ATP5PB: variants seen among roughly 807,000 people sequenced by gnomAD.
ATP5PB encodes ATP synthase peripheral stalk subunit b, mitochondrial.
Under a neutral mutation model 34.5 loss-of-function variants are expected in ATP5PB, and 21 were observed. The ratio of observed to expected loss-of-function variants is 0.61; its 90% CI spans 0.43 to 0.88. ATP5PB has a LOEUF of 0.88. Among genes scored for constraint, ATP5PB ranks in the 40% least tolerant of loss-of-function variants. ATP5PB has a pLI of 0.00. For synonymous variants in ATP5PB, 108 were observed against 114.1 expected, an observed-to-expected ratio of 0.95 and a Z score of 0.34; for missense variants, 293 against 317.4, an observed-to-expected ratio of 0.92 and a Z score of 0.58.
intron 5 of ATP5PB, among the ~76,000 whole-genome samples, chr1:111,457,340 C>CAA (rs1653504755): frequency 6.6e-6 from 1 of 151,708 alleles, no homozygotes; most frequent in African/African-American, 2.4e-5. Context: ...CACACACACA[C>CAA]AAACAACAAA....
chr1:111,450,620 A>G (rs1653296669), intron 2 of ATP5PB, among the ~76,000 whole-genome samples: 1 of 152,224 alleles, frequency 6.6e-6, no homozygotes, highest in Non-Finnish European at 1.5e-5. Flanking sequence ...TAGTAAATTT[A>G]GCAGCTGTTA....
In ATP5PB at chr1:111,461,041, A is replaced by G. The variant is rs1336274696; in HGVS notation, c.*47A>G. ...CAGCTAGAAACAGTTGACTGACTAA[A>G]TGGAAACTAGTCTATTTGACAAAGT... is the stretch of plus-strand genomic sequence containing the variant. On this transcript the variant is annotated 3_prime_UTR_variant, in exon 7 of 7. Coordinates refer to ENST00000369722, the MANE Select transcript of ATP5PB (RefSeq NM_001688.5). 4 of 1,512,190 alleles carry G rather than the reference A, an allele frequency of 2.6e-6. No homozygotes were observed. Among genetic ancestry groups the G allele is most frequent in the Non-Finnish European group, 3.7e-6 (4 of 1,092,232 alleles). 93.7% of individuals were successfully genotyped at this position (1,512,190 alleles called of 1,614,324 possible). A position where few individuals can be genotyped will look rare whatever the true frequency, so the allele number is the denominator to read the frequency against.
At chr1:111,460,504 A>G (rs1317944765) in intron 6 of ATP5PB, among the ~76,000 whole-genome samples, 1 of 151,910 alleles carries the variant, frequency 6.6e-6, no homozygotes, top group East Asian at 1.9e-4. Flanking sequence ...AAACTTAGAA[A>G]ATACAAAAGA....
In ATP5PB at chr1:111,456,066, A is replaced by G. The variant is rs757563096; in HGVS notation, c.224-20A>G. On this transcript the variant is annotated intron_variant, in intron 3 of 6. Transcript: ENST00000369722. ...TAGGCATAGCATATCCCTTCATAAA[A>G]TAACTCTTTCTTCTTTTAGGACCCT... 3.2e-6 allele frequency: 5 copies of G among 1,544,540 alleles called. No homozygotes were observed. Among genetic ancestry groups the G allele is most frequent in the East Asian group, 2.3e-5 (1 of 43,110 alleles).
At chr1:111,455,993 TGCCTTC>T in intron 3 of ATP5PB, 87 bp from the exon 4 acceptor site, 1 of 1,113,632 alleles carries the variant, frequency 9.0e-7, no homozygotes, top group Non-Finnish European at 1.2e-6. Context: ...GTCATTACTT[TGCCTTC>T]AGCTAATCAA....
At chr1:111,453,685 A>G (rs887382201) in intron 2 of ATP5PB, among the ~76,000 whole-genome samples, 15 of 152,234 alleles carry the variant, frequency 9.9e-5, no homozygotes, top group African/African-American at 3.4e-4. Context: ...TATCAGGCAT[A>G]TAATAGCTAA....
At chr1:111,450,367 TG>T (rs1184188959) in intron 2 of ATP5PB, among the ~76,000 whole-genome samples, 8 of 152,200 alleles carry the variant, frequency 5.3e-5, no homozygotes, top group African/African-American at 1.9e-4. Flanking sequence ...GATACAAGAA[TG>T]AGTATGGCTA....
Position 111,462,553 on chromosome 1 carries a change from A to G in ATP5PB, c.*1559A>G, listed in dbSNP as rs963885876. 1.3e-5 allele frequency: 2 copies of G among 152,358 alleles called. No homozygotes were observed. The highest frequency in any genetic ancestry group is 1.9e-4 in the East Asian group (1 of 5,196). The allele number at this position is 152,358 out of a possible 1,614,324, so 9.4% of individuals were successfully genotyped here. On this transcript the variant is annotated 3_prime_UTR_variant, in exon 7 of 7. Coordinates refer to ENST00000369722, the MANE Select transcript of ATP5PB (RefSeq NM_001688.5). ...TTGTACAAGGATTTATTTGTATTCA[A>G]ATGGACAAATTACGCAATAGGAAAT...
At chr1:111,455,798 A>G (rs1008974673) in intron 3 of ATP5PB, among the ~76,000 whole-genome samples, 2 of 152,242 alleles carry the variant, frequency 1.3e-5, no homozygotes, top group African/African-American at 4.8e-5. Context: ...TCTCAAATTT[A>G]TCAGACTGAA....
intron 2 of ATP5PB, 67 bp from the exon 3 acceptor site, chr1:111,454,144 T>G: frequency 2.1e-6 from 3 of 1,398,750 alleles, no homozygotes; most frequent in Non-Finnish European, 2.8e-6. Context: ...TTGTTTCTGC[T>G]CATTATTCAT....
intron 3 of ATP5PB, among the ~76,000 whole-genome samples, chr1:111,455,389 C>T (rs1484443093): frequency 2.0e-5 from 3 of 152,194 alleles, no homozygotes; most frequent in Non-Finnish European, 4.4e-5. Flanking sequence ...TCTTATGATA[C>T]ATCCTGCCAT....
rs1048563301 is a variant in ATP5PB, at chr1:111,462,082, C to T, written c.*1088C>T. The T allele has an allele frequency of 2.0e-5, 3 of 152,152 alleles. No individual in the cohort carries two copies. Among genetic ancestry groups the T allele is most frequent in the African/African-American group, 7.2e-5 (3 of 41,430 alleles). 9.4% of individuals were successfully genotyped at this position (152,152 alleles called of 1,614,324 possible). ...TTAAAATGGAAATACCATGATCCAG[C>T]AATCCCAGTCGACATATATACTCAA... On this transcript the variant is annotated 3_prime_UTR_variant, in exon 7 of 7. Coordinates refer to ENST00000369722, the MANE Select transcript of ATP5PB (RefSeq NM_001688.5).
At chr1:111,460,436 GTTT>G (rs532728250) in intron 6 of ATP5PB, among the ~76,000 whole-genome samples, 1,399 of 125,846 alleles carry the variant, frequency 0.011, 19 homozygotes, top group African/African-American at 0.038. Flanking sequence ...GTCTATCAAA[GTTT>G]TTTTTTTTTT....
At chr1:111,451,852 G>A (rs1653345098) in intron 2 of ATP5PB, among the ~76,000 whole-genome samples, 1 of 152,200 alleles carries the variant, frequency 6.6e-6, no homozygotes, top group Admixed American at 6.5e-5. Context: ...CACAGTGGTG[G>A]TTCATGCCTA....
intron 3 of ATP5PB, 137 bp from the exon 4 acceptor site, chr1:111,455,949 C>G: frequency 1.4e-6 from 1 of 701,526 alleles, no homozygotes; most frequent in Non-Finnish European, 2.2e-6. Flanking sequence ...CATACTGCTT[C>G]CCAATCCAGT....
At chr1:111,460,701 TTAAC>T (rs1454350978) in intron 6 of ATP5PB, among the ~76,000 whole-genome samples, 3 of 152,214 alleles carry the variant, frequency 2.0e-5, no homozygotes, top group Non-Finnish European at 4.4e-5. Flanking sequence ...CCAGGGAATT[TTAAC>T]TAACCCCCTG....
At chr1:111,449,906 T>C (rs1247899257) in intron 2 of ATP5PB, 33 bp downstream of exon 2, 2 of 1,613,662 alleles carry the variant, frequency 1.2e-6, no homozygotes, top group Admixed American at 1.7e-5. Context: ...CTTTCGTCTT[T>C]GTTTTCACTA....
At chr1:111,455,080 C>T (rs527252405) in intron 3 of ATP5PB, among the ~76,000 whole-genome samples, 8 of 152,204 alleles carry the variant, frequency 5.3e-5, no homozygotes, top group African/African-American at 1.9e-4. Flanking sequence ...TTATGATTCT[C>T]TCTACTACAT....
chr1:111,449,525 C>G lies in ATP5PB; in HGVS notation c.-17C>G. ...GTCACAGGGACGCTAAGATTGCTAC[C>G]TGGACTTTCGTTGACCATGCTGTCC... On this transcript the variant is annotated 5_prime_UTR_variant, in exon 1 of 7. Coordinates refer to ENST00000369722, the MANE Select transcript of ATP5PB (RefSeq NM_001688.5). The G allele has an allele frequency of 1.2e-6, 2 of 1,614,032 alleles. No individual in the cohort carries two copies. Among genetic ancestry groups the G allele is most frequent in the Non-Finnish European group, 1.7e-6 (2 of 1,179,956 alleles).
Sources: allele counts gnomAD v4.1 joint callset (sites outside exome capture counted in the v4.1 genomes callset), GRCh38; gene constraint gnomAD v4.1.1; transcripts MANE v1.5; gene names NCBI Gene and HGNC (gene_info 2026-07-23, HGNC 2026-07-21).